Variants in ACTR3C observed in about 807,000 individuals in gnomAD.
ACTR3C encodes the protein actin related protein 3C, also known as actin-related protein 3C.
Under a neutral mutation model 26.3 loss-of-function variants are expected in ACTR3C, and 18 were observed. That is an observed-to-expected ratio of 0.68 (90% CI 0.47 to 1.01). The LOEUF is 1.01. Among genes scored for constraint, ACTR3C ranks in the 50% least tolerant of loss-of-function variants. The probability of loss-of-function intolerance (pLI) is 0.00; values close to 1 mark genes in which losing one functional copy is unlikely to be tolerated. For synonymous variants in ACTR3C, 55 were observed against 94.5 expected (o/e 0.58, Z 2.42); for missense variants, 184 against 250.7 (o/e 0.73, Z 1.80).
the ACTR3C span, among the ~76,000 whole-genome samples, chr7:149,900,185 T>C: frequency 6.6e-6 from 1 of 151,188 alleles, no homozygotes; most frequent in East Asian, 1.9e-4. Context: ...GTTTTTTTGG[T>C]TTGTTTTTGA....
chr7:150,203,632 C>G, the ACTR3C span, among the ~76,000 whole-genome samples: 2 of 152,160 alleles, frequency 1.3e-5, no homozygotes, highest in Non-Finnish European at 2.9e-5. Context: ...GTGGCATGAT[C>G]TCGGCTCACT....
chr7:150,039,119 T>C, the ACTR3C span, among the ~76,000 whole-genome samples: 1 of 149,158 alleles, frequency 6.7e-6, no homozygotes, highest in African/African-American at 2.5e-5. Context: ...GTCCTAAGGA[T>C]CTTAGGATCA....
chr7:149,987,704 A>G, the ACTR3C span, among the ~76,000 whole-genome samples: 1 of 148,484 alleles, frequency 6.7e-6, no homozygotes, highest in Non-Finnish European at 1.5e-5. Flanking sequence ...AATTATTTCA[A>G]TTGCATACAG....
chr7:150,042,542 G>T, the ACTR3C span, among the ~76,000 whole-genome samples: 6 of 151,344 alleles, frequency 4.0e-5, no homozygotes, highest in South Asian at 1.3e-3. Context: ...AGAGCCAGGG[G>T]GGGAAGAGGG....
the ACTR3C span, among the ~76,000 whole-genome samples, chr7:150,121,079 G>A: frequency 0.45 from 68,497 of 151,852 alleles, 15,817 homozygotes; most frequent in African/African-American, 0.55. Flanking sequence ...TTGATGGGAC[G>A]TATCTCAAAA....
At chr7:150,038,834 A>G in the ACTR3C span, among the ~76,000 whole-genome samples, 772 of 138,304 alleles carry the variant, frequency 5.6e-3, 56 homozygotes, top group African/African-American at 0.021. Context: ...GGGGGTCCTA[A>G]GAGCCAGTGG....
the ACTR3C span, among the ~76,000 whole-genome samples, chr7:150,158,966 C>CGCACACAG: frequency 8.6e-5 from 13 of 150,424 alleles, no homozygotes; most frequent in East Asian, 2.4e-3. Context: ...TACACACGTG[C>CGCACACAG]GCACACACAG....
chr7:150,237,573 G>A, the ACTR3C span, among the ~76,000 whole-genome samples: 2 of 152,250 alleles, frequency 1.3e-5, no homozygotes, highest in South Asian at 4.2e-4. Context: ...ATCTCATAGG[G>A]TGGTCACGGT....
the ACTR3C span, among the ~76,000 whole-genome samples, chr7:150,072,754 T>C: frequency 0.16 from 24,292 of 150,036 alleles, 1,403 homozygotes; most frequent in South Asian, 0.27. Flanking sequence ...GGATGAACTA[T>C]GGAAAAACAT....
the ACTR3C span, among the ~76,000 whole-genome samples, chr7:150,015,012 C>A: frequency 6.6e-6 from 1 of 152,134 alleles, no homozygotes; most frequent in Admixed American, 6.6e-5. Flanking sequence ...AACAAAACAA[C>A]CCCTATGATA....
rs2530940 is a variant in ACTR3C at position 150,274,465 on chromosome 7, A to G, written c.564+10288T>C. On this transcript the variant is annotated intron_variant, in intron 6 of 7. Coordinates refer to ENST00000683684, the MANE Select transcript of ACTR3C (RefSeq NM_001164458.2). The surrounding 1 kb of genome is among the most constrained non-coding windows in gnomAD (Gnocchi z 4.1). ...TTCATGTGCACCAGGAAACCAAAAA[A>G]TGTGTGTGGCTCACTTCATTGCACC... Among the ~76,000 whole-genome samples the G allele has an allele frequency of 5.3e-5, 8 of 152,364 alleles. No individual in the cohort carries two copies. Among genetic ancestry groups the G allele is most frequent in the African/African-American group, 1.9e-4 (8 of 41,584 alleles).
At chr7:150,256,798 G>A (rs1417683094) in intron 6 of ACTR3C, among the ~76,000 whole-genome samples, 3 of 152,092 alleles carry the variant, frequency 2.0e-5, no homozygotes, top group Admixed American at 1.3e-4. Context: ...TGATGTGGGA[G>A]CAGAAAGCAA....
the ACTR3C span, among the ~76,000 whole-genome samples, chr7:149,925,985 T>C: frequency 3.9e-5 from 6 of 152,088 alleles, no homozygotes; most frequent in East Asian, 3.9e-4. Flanking sequence ...ATCGCTTGAA[T>C]CCAGGAGGTG....
the ACTR3C span, among the ~76,000 whole-genome samples, chr7:149,894,988 C>T: frequency 6.6e-6 from 1 of 151,682 alleles, no homozygotes; most frequent in African/African-American, 2.4e-5. Context: ...AATCAACCTA[C>T]GTGTCCATTA....
the ACTR3C span, among the ~76,000 whole-genome samples, chr7:150,101,344 G>C: frequency 6.6e-6 from 1 of 151,668 alleles, no homozygotes; most frequent in Non-Finnish European, 1.5e-5. Context: ...CAAACTGCTT[G>C]CAGGGTAAGT....
At chr7:150,247,210 A>G (rs940643660), downstream of ACTR3C, 1 of 152,258 alleles carries the variant, frequency 6.6e-6, no homozygotes, top group Non-Finnish European at 1.5e-5. Flanking sequence ...ACAAACAAAC[A>G]GTGACCTCAA....
chr7:150,240,198 C>G (rs1832102925), downstream of ACTR3C, among the ~76,000 whole-genome samples: 2 of 152,208 alleles, frequency 1.3e-5, no homozygotes. Context: ...GTTAAACATA[C>G]ATGACATGCA....
chr7:150,182,064 G>C, the ACTR3C span, among the ~76,000 whole-genome samples: 1 of 150,688 alleles, frequency 6.6e-6, no homozygotes, highest in East Asian at 1.9e-4. Flanking sequence ...GTTTGTGGCA[G>C]TCCATGATAA....
the ACTR3C span, among the ~76,000 whole-genome samples, chr7:150,214,713 C>T: frequency 0.059 from 8,965 of 151,644 alleles, 852 homozygotes; most frequent in African/African-American, 0.21. Flanking sequence ...GCACCCACTA[C>T]GGTAATAAAT....
Sources: gnomAD v4.1 joint callset for allele counts (sites outside exome capture counted in the v4.1 genomes callset) on GRCh38, gnomAD v4.1.1 for gene constraint, Gnocchi (gnomAD v3.1) non-coding constraint, MANE v1.5 for transcripts, NCBI Gene and HGNC (gene_info 2026-07-23, HGNC 2026-07-21) for gene names.